The following PTER variants were observed in gnomAD, a reference collection of about 807,000 sequenced individuals.
PTER encodes N-acetyltaurine hydrolase.
In PTER, 38 loss-of-function variants were observed where a neutral mutation model predicts 29.6. The ratio of observed to expected loss-of-function variants is 1.28; its 90% CI spans 0.99 to 1.68. PTER has a LOEUF of 1.68. PTER is among the 40% of genes most tolerant of loss of function. The pLI is 0.00. For synonymous variants in PTER, 172 were observed against 154.5 expected (o/e 1.11, Z -0.84); for missense variants, 482 against 427.8 (o/e 1.13, Z -1.12).
At chr10:16,498,840 G>T (rs1431011623) in intron 3 of PTER, among the ~76,000 whole-genome samples, 1 of 152,222 alleles carries the variant, frequency 6.6e-6, no homozygotes, top group Non-Finnish European at 1.5e-5. Context: ...TGCAACTTCA[G>T]TAGCGCTTTG....
intron 3 of PTER, among the ~76,000 whole-genome samples, chr10:16,489,557 T>C (rs888837028): frequency 1.3e-5 from 2 of 152,074 alleles, no homozygotes; most frequent in African/African-American, 4.8e-5. Context: ...TGGTTTTTTT[T>C]TTTTGGTTAT....
At chr10:16,456,533 A>G (rs1323821829) in intron 1 of PTER, among the ~76,000 whole-genome samples, 1 of 152,216 alleles carries the variant, frequency 6.6e-6, no homozygotes, top group Admixed American at 6.5e-5. Context: ...GCTGTTCTGC[A>G]TAGGAGTTTC....
At chr10:16,458,497 C>T (rs750146516) in intron 1 of PTER, among the ~76,000 whole-genome samples, 1 of 152,184 alleles carries the variant, frequency 6.6e-6, no homozygotes, top group African/African-American at 2.4e-5. Context: ...ATTATAATGA[C>T]ACAATAACTT....
chr10:16,476,122 T>C (rs1349279987), intron 1 of PTER: 2 of 152,190 alleles, frequency 1.3e-5, no homozygotes, highest in Non-Finnish European at 2.9e-5. Context: ...CTCGCTCTGT[T>C]GCCCAGGCTG....
intron 1 of PTER, among the ~76,000 whole-genome samples, chr10:16,470,911 C>T (rs907412570): frequency 2.0e-5 from 3 of 151,980 alleles, no homozygotes; most frequent in African/African-American, 7.3e-5. Flanking sequence ...ACTGACACTT[C>T]CTAATTTATG....
At chr10:16,467,628 A>G (rs564161048) in intron 1 of PTER, among the ~76,000 whole-genome samples, 4 of 152,252 alleles carry the variant, frequency 2.6e-5, no homozygotes, top group African/African-American at 9.6e-5. Flanking sequence ...TCTGGCCTAC[A>G]TGGTGAAACG....
chr10:16,446,961 G>A (rs1486728390), intron 1 of PTER, among the ~76,000 whole-genome samples: 1 of 151,976 alleles, frequency 6.6e-6, no homozygotes, highest in Non-Finnish European at 1.5e-5. Context: ...GCTAATTTTT[G>A]TATTTTTAGT....
At chr10:16,502,481 T>G (rs764991906) in intron 3 of PTER, among the ~76,000 whole-genome samples, 46 of 152,262 alleles carry the variant, frequency 3.0e-4, no homozygotes, top group Non-Finnish European at 5.9e-4. Context: ...ATGTACATTT[T>G]ATAGTAGAAA....
In PTER at chr10:16,443,300, C is replaced by T. The variant is rs143186449; in HGVS notation, c.-49+6253C>T. On this transcript the variant is annotated intron_variant, in intron 1 of 4. Transcript: ENST00000535784. Reference sequence around the variant, plus strand: ...ACCAGTCCTATTGGATTGAGACCTACCCTAACAACCCCCTTTTAACTTAAT... The same window carrying T: ...ACCAGTCCTATTGGATTGAGACCTATCCTAACAACCCCCTTTTAACTTAAT... 2.5e-3 allele frequency among the ~76,000 whole-genome samples: 386 copies of T among 152,268 alleles called. 2 individuals are homozygous for T. The highest frequency in any genetic ancestry group is 8.5e-3 in the African/African-American group (352 of 41,556).
intron 1 of PTER, among the ~76,000 whole-genome samples, chr10:16,446,762 AT>A (rs1426983055): frequency 6.6e-6 from 1 of 150,980 alleles, no homozygotes; most frequent in Non-Finnish European, 1.5e-5. Context: ...ATTGTAAGAC[AT>A]TTTTGTTTGT....
chr10:16,475,160 A>G (rs1326000083), intron 1 of PTER, among the ~76,000 whole-genome samples: 1 of 152,100 alleles, frequency 6.6e-6, no homozygotes, highest in Non-Finnish European at 1.5e-5. Context: ...TAGGATTTCA[A>G]CATAGGAATT....
intron 3 of PTER, among the ~76,000 whole-genome samples, chr10:16,500,047 T>C (rs1056409664): frequency 4.6e-5 from 2 of 43,338 alleles, no homozygotes; most frequent in African/African-American, 7.3e-5. Flanking sequence ...GCCTTGCCCC[T>C]TTTTTTTTAA....
intron 1 of PTER, among the ~76,000 whole-genome samples, chr10:16,446,083 A>G (rs1169712649): frequency 6.6e-6 from 1 of 152,206 alleles, no homozygotes; most frequent in African/African-American, 2.4e-5. Context: ...TCAGTGCATA[A>G]GTGGTAAAGA....
At chr10:16,454,312 C>T (rs2051012) in intron 1 of PTER, among the ~76,000 whole-genome samples, 95,196 of 151,988 alleles carry the variant, frequency 0.63, 30,990 homozygotes, top group East Asian at 0.8. Flanking sequence ...CGGTGGCTCA[C>T]GCCTGTAATC....
At chr10:16,514,945 T>TA (rs1453001221), downstream of PTER, among the ~76,000 whole-genome samples, 1 of 152,148 alleles carries the variant, frequency 6.6e-6, no homozygotes, top group Non-Finnish European at 1.5e-5. Flanking sequence ...CTGGCAGTCT[T>TA]ATCTAACTAC....
chr10:16,501,779 G>A (rs1461973610), intron 3 of PTER, among the ~76,000 whole-genome samples: 1 of 152,218 alleles, frequency 6.6e-6, no homozygotes, highest in African/African-American at 2.4e-5. Context: ...TACAGCGTAA[G>A]TTCTAACTTT....
chr10:16,465,393 A>G (rs942406589), intron 1 of PTER, among the ~76,000 whole-genome samples: 1 of 152,216 alleles, frequency 6.6e-6, no homozygotes, highest in Admixed American at 6.5e-5. Context: ...AAATGTATGC[A>G]GGTGAAATTA....
At chr10:16,482,551 A>G (rs1037338936) in intron 1 of PTER, among the ~76,000 whole-genome samples, 8 of 152,160 alleles carry the variant, frequency 5.3e-5, no homozygotes, top group African/African-American at 1.4e-4. Context: ...TAATTTACAG[A>G]TGACAAAAAT....
Position 16,511,077 on chromosome 10 carries a change from G to C in PTER, c.871G>C (p.Asp291His). The C allele has an allele frequency of 1.9e-6, 3 of 1,613,908 alleles. No individual in the cohort carries two copies. The highest frequency in any genetic ancestry group is 2.5e-6 in the Non-Finnish European group (3 of 1,179,878). The change falls in exon 5 of 5, where the codon GAT becomes CAT. Residue 291 changes from aspartate (D) to histidine (H), a missense_variant. Asp to His is a moderately conservative substitution (Grantham distance 81, BLOSUM62 -1). Coordinates refer to ENST00000535784, the MANE Select transcript of PTER (RefSeq NM_001261836.2). ...VRLLVEEGCE[D>H]RILVAHDIHT... The stretch of plus-strand genomic sequence containing the variant: ...TCTCCTGGTGGAAGAGGGCTGTGAA[G>C]ATCGAATTCTGGTAGCACATGACAT...
Sources: gnomAD v4.1 joint callset for allele counts (sites outside exome capture counted in the v4.1 genomes callset) on GRCh38, gnomAD v4.1.1 for gene constraint, MANE v1.5 for transcripts, NCBI Gene and HGNC (gene_info 2026-07-23, HGNC 2026-07-21) for gene names.